The following SV2C variants were observed in gnomAD, a reference collection of about 807,000 sequenced individuals.
SV2C encodes solute carrier family 22 member B3.
SV2C carries 49 observed loss-of-function variants against 79.7 expected under a neutral mutation model. That is an observed-to-expected ratio of 0.61 (90% confidence interval 0.49 to 0.78). SV2C has a LOEUF of 0.78. SV2C is among the 30% of genes least tolerant of loss of function. The probability of loss-of-function intolerance (pLI) is 0.00; values close to 1 mark genes in which losing one functional copy is unlikely to be tolerated. For missense variants in SV2C, 833 were observed against 912.9 expected (o/e 0.91, Z 1.13); for synonymous variants, 334 against 333.2 (o/e 1.00, Z -0.03).
chr5:76,242,235 G>A, intron 4 of SV2C: 1 of 1,015,448 alleles, frequency 9.8e-7, no homozygotes, highest in South Asian at 1.3e-5. Context: ...CTTCTCTGTG[G>A]TTCGTCCTTC....
intron 4 of SV2C, among the ~76,000 whole-genome samples, chr5:76,267,505 T>C (rs1348455513): frequency 6.6e-6 from 1 of 152,226 alleles, no homozygotes; most frequent in Non-Finnish European, 1.5e-5. Flanking sequence ...TAAAGTATTC[T>C]TTTGTATATT....
chr5:76,300,439 A>T (rs1376758236), intron 10 of SV2C, among the ~76,000 whole-genome samples: 1 of 152,192 alleles, frequency 6.6e-6, no homozygotes, highest in Non-Finnish European at 1.5e-5. Flanking sequence ...AGCAAGTAAT[A>T]TAATTAGCAA....
Position 76,327,274 on chromosome 5 carries a change from G to T in SV2C, c.*1727G>T, listed in dbSNP as rs1749039872. ...CAGAGGGGGGAAGACTGGTGTTGGG[G>T]GCAGTGGGAAGAGGGTGGTTCCCTG... On this transcript the variant is annotated 3_prime_UTR_variant, in exon 13 of 13. Coordinates refer to ENST00000502798, the MANE Select transcript of SV2C (RefSeq NM_014979.4). 6.6e-6 allele frequency: 1 copy of T among 152,180 alleles called. No homozygotes were observed. The highest frequency in any genetic ancestry group is 1.5e-5 in the Non-Finnish European group (1 of 68,066). The allele number at this position is 152,180 out of a possible 1,614,324, so 9.4% of individuals were successfully genotyped here.
the SV2C span, among the ~76,000 whole-genome samples, chr5:75,950,765 T>C: frequency 1.4e-5 from 2 of 144,748 alleles, no homozygotes; most frequent in African/African-American, 5.8e-5. Context: ...AAGACTGAGT[T>C]TCCTAGTGGC....
chr5:76,214,088 A>G (rs1014873128), intron 4 of SV2C, among the ~76,000 whole-genome samples: 3 of 152,166 alleles, frequency 2.0e-5, no homozygotes, highest in East Asian at 1.9e-4. Context: ...ATGTGCATAT[A>G]TGTGTGTGTG....
chr5:75,956,545 A>G, the SV2C span, among the ~76,000 whole-genome samples: 1 of 151,936 alleles, frequency 6.6e-6, no homozygotes, highest in African/African-American at 2.4e-5. Flanking sequence ...TTAAAGTATA[A>G]AAATAATAAT....
chr5:76,114,289 C>A (rs1481624496), intron 1 of SV2C, among the ~76,000 whole-genome samples: 3 of 152,160 alleles, frequency 2.0e-5, no homozygotes, highest in African/African-American at 7.2e-5. Context: ...TGGATTTTAT[C>A]ATGGTGTTCA....
the SV2C span, among the ~76,000 whole-genome samples, chr5:75,963,826 A>G: frequency 3.3e-5 from 5 of 152,030 alleles, no homozygotes; most frequent in African/African-American, 1.2e-4. Flanking sequence ...AAGTTACTCT[A>G]TGTCTCTTAG....
the SV2C span, among the ~76,000 whole-genome samples, chr5:76,077,945 G>A: frequency 1.3e-5 from 2 of 152,192 alleles, no homozygotes; most frequent in Non-Finnish European, 2.9e-5. Context: ...TGGTTGGAAT[G>A]AATACCTGTG....
chr5:75,955,239 C>T, the SV2C span, among the ~76,000 whole-genome samples: 29 of 149,222 alleles, frequency 1.9e-4, no homozygotes, highest in Admixed American at 1.0e-3. Context: ...GAAATAACAC[C>T]GCATATCTAC....
the SV2C span, chr5:75,921,757 A>G: frequency 8.0e-6 from 3 of 377,182 alleles, no homozygotes; most frequent in East Asian, 5.6e-5. Context: ...TCAGAAGCTC[A>G]TGGTATCTAC....
intron 1 of SV2C, among the ~76,000 whole-genome samples, chr5:76,085,015 G>A (rs1476594655): frequency 6.6e-6 from 1 of 152,228 alleles, no homozygotes; most frequent in Non-Finnish European, 1.5e-5. Flanking sequence ...AGACCGGGAT[G>A]CCGTGATGGT....
At chr5:76,222,853 A>G (rs1287520382) in intron 4 of SV2C, among the ~76,000 whole-genome samples, 9 of 151,974 alleles carry the variant, frequency 5.9e-5, no homozygotes, top group Admixed American at 5.9e-4. Context: ...CCTTTTTTGA[A>G]TAGAGATCCT....
intron 4 of SV2C, among the ~76,000 whole-genome samples, chr5:76,246,308 A>C (rs1745947022): frequency 6.6e-6 from 1 of 152,218 alleles, no homozygotes; most frequent in Non-Finnish European, 1.5e-5. Context: ...ACCAGGATGC[A>C]AGTTAAAAGT....
intron 1 of SV2C, among the ~76,000 whole-genome samples, chr5:76,091,285 T>C (rs1291453487): frequency 6.6e-6 from 1 of 152,212 alleles, no homozygotes; most frequent in East Asian, 1.9e-4. Flanking sequence ...AGACTCACAA[T>C]AGCAACCATA....
At chr5:76,323,093 A>T (rs1748883392) in intron 12 of SV2C, among the ~76,000 whole-genome samples, 1 of 152,260 alleles carries the variant, frequency 6.6e-6, no homozygotes, top group Non-Finnish European at 1.5e-5. Context: ...ATCAGAGTAA[A>T]CAGGCAAACT....
intron 4 of SV2C, among the ~76,000 whole-genome samples, chr5:76,216,727 T>C (rs1432486101): frequency 6.6e-6 from 1 of 152,126 alleles, no homozygotes; most frequent in African/African-American, 2.4e-5. Context: ...GTGTAAAGGT[T>C]CTCTTTCAGC....
intron 12 of SV2C, among the ~76,000 whole-genome samples, chr5:76,339,815 G>A (rs534633762): frequency 2.2e-4 from 33 of 152,182 alleles, no homozygotes; most frequent in Non-Finnish European, 2.1e-4. Flanking sequence ...GTAGTCCAGC[G>A]TCTGGCTTTG....
At chr5:76,234,498 T>G (rs72773776) in intron 4 of SV2C, among the ~76,000 whole-genome samples, 48,028 of 151,944 alleles carry the variant, frequency 0.32, 8,055 homozygotes, top group Non-Finnish European at 0.37. Flanking sequence ...AATCAAATGC[T>G]TTATGTCTTT....
Sources: allele counts gnomAD v4.1 joint callset (sites outside exome capture counted in the v4.1 genomes callset), GRCh38; gene constraint gnomAD v4.1.1; transcripts MANE v1.5; gene names NCBI Gene and HGNC (gene_info 2026-07-23, HGNC 2026-07-21).